DPP10: variants seen among roughly 807,000 people sequenced by gnomAD.
DPP10 encodes the protein inactive dipeptidyl peptidase 10.
A neutral mutation model predicts 120.9 loss-of-function variants in DPP10; 33 were observed. The ratio of observed to expected loss-of-function variants is 0.27; its 90% CI spans 0.21 to 0.37. The LOEUF is 0.37. Among genes scored for constraint, DPP10 ranks in the 10% least tolerant of loss-of-function variants. The pLI is 1.00. For synonymous variants in DPP10, 337 were observed against 326.1 expected (o/e 1.03, Z -0.36); for missense variants, 816 against 942.8 (o/e 0.87, Z 1.76).
intron 21 of DPP10, among the ~76,000 whole-genome samples, chr2:115,823,635 A>G (rs2150069389): frequency 6.6e-6 from 1 of 152,120 alleles, no homozygotes; most frequent in East Asian, 1.9e-4. Context: ...ATTTATTTTT[A>G]GTGTTTGGGG....
intron 1 of DPP10, among the ~76,000 whole-genome samples, chr2:115,014,132 A>G (rs2105113241): frequency 6.6e-6 from 1 of 152,342 alleles, no homozygotes; most frequent in East Asian, 1.9e-4. Context: ...AATGGAAATC[A>G]TAACAAACAG....
Position 115,441,477 on chromosome 2 carries a change from A to G in DPP10, c.272-58033A>G, listed in dbSNP as rs755941863. On this transcript the variant is annotated intron_variant, in intron 3 of 25. Transcript: ENST00000410059. ...TTTGTCATTTGAAGTCAGATGAACTATTCTCTCTTCTGGGAATCTTTCCTA... is the reference window on the plus strand; with the variant it reads ...TTTGTCATTTGAAGTCAGATGAACTGTTCTCTCTTCTGGGAATCTTTCCTA... Among the ~76,000 whole-genome samples the G allele has an allele frequency of 9.2e-5, 14 of 152,258 alleles. No individual in the cohort carries two copies. In the South Asian group the frequency reaches 1.5e-3, roughly 16 times the overall value.
intron 8 of DPP10, among the ~76,000 whole-genome samples, chr2:115,739,499 T>C (rs1220131601): frequency 6.6e-6 from 1 of 152,136 alleles, no homozygotes; most frequent in Admixed American, 6.6e-5. Flanking sequence ...TCTGTCTACA[T>C]TGCTGAAAAT....
At chr2:115,465,774 A>T (rs1213614608) in intron 3 of DPP10, among the ~76,000 whole-genome samples, 1 of 152,170 alleles carries the variant, frequency 6.6e-6, no homozygotes, top group Non-Finnish European at 1.5e-5. Context: ...GTGAGCCAAG[A>T]TCGTGCCACT....
chr2:114,446,103 C>A (rs1677929421), intron 1 of DPP10, among the ~76,000 whole-genome samples: 1 of 152,150 alleles, frequency 6.6e-6, no homozygotes, highest in Admixed American at 6.5e-5. Flanking sequence ...CAGATCTTTG[C>A]GTTATTATAA....
chr2:115,273,848 T>C (rs746773855), intron 1 of DPP10, among the ~76,000 whole-genome samples: 14 of 152,262 alleles, frequency 9.2e-5, no homozygotes, highest in Non-Finnish European at 1.6e-4. Context: ...TTCCCTAAAC[T>C]GTTTTGGGTA....
chr2:115,622,812 AC>A (rs2085056806), intron 5 of DPP10, among the ~76,000 whole-genome samples: 1 of 133,524 alleles, frequency 7.5e-6, no homozygotes. Flanking sequence ...GAACACAGCC[AC>A]CCCCATTCGT....
At chr2:115,050,169 T>C (rs1250989632) in intron 1 of DPP10, 1 of 152,168 alleles carries the variant, frequency 6.6e-6, no homozygotes, top group Non-Finnish European at 1.5e-5. Flanking sequence ...CTAACTAAGA[T>C]GCTGGAGAAA....
chr2:115,639,016 G>C (rs775123601), intron 5 of DPP10, among the ~76,000 whole-genome samples: 2 of 152,148 alleles, frequency 1.3e-5, no homozygotes, highest in Non-Finnish European at 2.9e-5. Flanking sequence ...TCTGTAGGAA[G>C]ATGTTGTCTT....
At chr2:115,135,192 T>G (rs943893178) in intron 1 of DPP10, among the ~76,000 whole-genome samples, 1 of 151,800 alleles carries the variant, frequency 6.6e-6, no homozygotes, top group Non-Finnish European at 1.5e-5. Context: ...TGTAGGAGCA[T>G]ACTTTAGGGT....
intron 1 of DPP10, among the ~76,000 whole-genome samples, chr2:114,955,550 C>T (rs1401696213): frequency 6.6e-6 from 1 of 152,222 alleles, no homozygotes; most frequent in Non-Finnish European, 1.5e-5. Context: ...TCCTCAAACA[C>T]TTCCAAAATA....
chr2:114,661,407 A>C (rs754963461), intron 1 of DPP10, among the ~76,000 whole-genome samples: 1 of 152,238 alleles, frequency 6.6e-6, no homozygotes, highest in Non-Finnish European at 1.5e-5. Context: ...AGATTGGGGC[A>C]CATGTGTTAA....
intron 1 of DPP10, among the ~76,000 whole-genome samples, chr2:114,574,494 C>A (rs939075994): frequency 1.6e-4 from 24 of 152,196 alleles, no homozygotes; most frequent in African/African-American, 4.8e-4. Flanking sequence ...GTCTGCTGAG[C>A]CTTGGGAATG....
intron 3 of DPP10, among the ~76,000 whole-genome samples, chr2:115,400,402 G>C (rs975562374): frequency 6.6e-6 from 1 of 151,682 alleles, no homozygotes. Flanking sequence ...TTGGCAGCAT[G>C]AAGATGTTGT....
At chr2:114,497,326 T>TAC (rs1558814246) in intron 1 of DPP10, among the ~76,000 whole-genome samples, 2 of 21,746 alleles carry the variant, frequency 9.2e-5, no homozygotes, top group African/African-American at 2.7e-4. Context: ...CATGTATACG[T>TAC]GTATACATGT....
chr2:115,060,392 A>G (rs999812645), intron 1 of DPP10, among the ~76,000 whole-genome samples: 2 of 152,098 alleles, frequency 1.3e-5, no homozygotes, highest in African/African-American at 4.8e-5. Flanking sequence ...CAGGAGTTTG[A>G]GACCACCATG....
chr2:114,843,148 C>T (rs10496479), intron 1 of DPP10, among the ~76,000 whole-genome samples: 13,173 of 152,108 alleles, frequency 0.087, 689 homozygotes, highest in Non-Finnish European at 0.11. Context: ...TACCAAATCC[C>T]TTGCATGACT....
At chr2:114,497,956 G>T (rs2104491570) in intron 1 of DPP10, among the ~76,000 whole-genome samples, 1 of 152,248 alleles carries the variant, frequency 6.6e-6, no homozygotes, top group African/African-American at 2.4e-5. Flanking sequence ...TGTACTTCCG[G>T]TCTTCACTCT....
chr2:115,769,285 A>G (rs1681170985), intron 13 of DPP10, among the ~76,000 whole-genome samples: 1 of 152,100 alleles, frequency 6.6e-6, no homozygotes, highest in Non-Finnish European at 1.5e-5. Flanking sequence ...TAGAATAAAT[A>G]TAAATATGGC....
Sources: allele counts gnomAD v4.1 joint callset (sites outside exome capture counted in the v4.1 genomes callset), GRCh38; gene constraint gnomAD v4.1.1; transcripts MANE v1.5; gene names NCBI Gene and HGNC (gene_info 2026-07-23, HGNC 2026-07-21).